MROH2A: variants seen among roughly 807,000 people sequenced by gnomAD.
The protein encoded by MROH2A is maestro heat like repeat family member 2A.
Under a neutral mutation model 200.4 loss-of-function variants are expected in MROH2A, and 174 were observed. The ratio of observed to expected loss-of-function variants is 0.87; its 90% confidence interval spans 0.77 to 0.98. The LOEUF is 0.98. Ranked by LOEUF, MROH2A falls within the 50% of genes least tolerant of loss-of-function variation. MROH2A has a pLI of 0.00. For missense variants in MROH2A, 2,045 were observed against 2,139.6 expected, an observed-to-expected ratio of 0.96 and a Z score of 0.87; for synonymous variants, 829 against 840.4, an observed-to-expected ratio of 0.99 and a Z score of 0.23.
intron 3 of MROH2A, among the ~76,000 whole-genome samples, chr2:233,787,664 TTATATATATTATATATA>T: frequency 1.3e-5 from 1 of 76,378 alleles, no homozygotes; most frequent in South Asian, 3.9e-4. Flanking sequence ...TACATATATA[TTATATATATTATATATA>T]CATATATATT....
chr2:233,804,492 C>T lies in MROH2A; in HGVS notation c.1892-3C>T. On this transcript the variant is annotated splice_region_variant and splice_polypyrimidine_tract_variant and intron_variant, in intron 17 of 41. Coordinates refer to ENST00000389758, the MANE Select transcript of MROH2A (RefSeq NM_001394639.1). ...ATGTGTGACCATACATGTGTTCCTG[C>T]AGAACATACTGAGTTCACTTGGGAT... The T allele has an allele frequency of 6.4e-7, 1 of 1,551,166 alleles. No individual in the cohort carries two copies. Among genetic ancestry groups the T allele is most frequent in the African/African-American group, 1.4e-5 (1 of 73,156 alleles).
At position 233,793,726 on chromosome 2, in the gene MROH2A, A is replaced by G; in HGVS notation, c.724A>G (p.Ser242Gly). ...GTTTTATCTGAAGCACCTGGAGGAG[A>G]GCGTGTACCCCGTGATGACTGAGGA... ...VQFYLKHLEESVYPVMTEEEF... is the reference protein window; with the variant it reads ...VQFYLKHLEEGVYPVMTEEEF... The change falls in exon 7 of 42, where the codon AGC (serine) becomes GGC (glycine). Residue 242 changes from serine (S) to glycine (G), a missense_variant. This residue lies in a region of MROH2A where 831 missense variants were observed against 800.0 expected (regional missense o/e 1.04). Coordinates refer to ENST00000389758, the MANE Select transcript of MROH2A (RefSeq NM_001394639.1). 3 of 1,488,820 alleles carry G rather than the reference A, an allele frequency of 2.0e-6. No homozygotes were observed. The highest frequency in any genetic ancestry group is 2.7e-6 in the Non-Finnish European group (3 of 1,116,662). The allele number at this position is 1,488,820 out of a possible 1,614,324, so 92.2% of individuals were successfully genotyped here.
intron 16 of MROH2A, 117 bp downstream of exon 16, chr2:233,803,605 G>C: frequency 9.1e-7 from 1 of 1,101,358 alleles, no homozygotes; most frequent in South Asian, 1.4e-5. Context: ...GGTGCAATGA[G>C]GGAGTTTGAT....
At chr2:233,814,547 A>C in intron 25 of MROH2A, 35 bp from the exon 26 acceptor site, 12 of 1,513,896 alleles carry the variant, frequency 7.9e-6, no homozygotes, top group Non-Finnish European at 1.1e-5. Flanking sequence ...GGTGCCCCTC[A>C]TTGCCGCCTA....
In MROH2A at chr2:233,802,331, G is replaced by C; in HGVS notation, c.1708+16G>C. 6.5e-7 allele frequency: 1 copy of C among 1,545,146 alleles called. No individual in the cohort carries two copies. The highest frequency in any genetic ancestry group is 8.7e-7 in the Non-Finnish European group (1 of 1,143,932). ...AGCAGGCAAGGTGGGCAAAGTTCCTGTCCAGCTGATTGGATTGGGCAGGTG... is the reference window on the plus strand; with the variant it reads ...AGCAGGCAAGGTGGGCAAAGTTCCTCTCCAGCTGATTGGATTGGGCAGGTG... On this transcript the variant is annotated intron_variant, in intron 15 of 41. Coordinates refer to ENST00000389758, the MANE Select transcript of MROH2A (RefSeq NM_001394639.1).
chr2:233,809,225 G>T lies in MROH2A; in HGVS notation c.2395G>T (p.Val799Leu). 6.4e-7 allele frequency: 1 copy of T among 1,550,534 alleles called. No individual in the cohort carries two copies. Among genetic ancestry groups the T allele is most frequent in the Non-Finnish European group, 8.7e-7 (1 of 1,146,960 alleles). Residue 799 changes from valine (V) to leucine (L), a missense_variant, in exon 22 of 42, where the codon GTG becomes TTG. Transcript: ENST00000389758. ...CCACCCCCAGTTGCTCCTCAACCTC[G>T]TGGACAGCCCCATCACCGCTAAGAT... ...YCHPQLLLNL[V>L]DSPITAKIIH...
At chr2:233,804,470 T>A (rs775876997) in intron 17 of MROH2A, 25 bp from the exon 18 acceptor site, 35 of 1,550,942 alleles carry the variant, frequency 2.3e-5, no homozygotes, top group Non-Finnish European at 2.4e-5. Context: ...AAGTGGCATG[T>A]GTGACCATAC....
chr2:233,798,948 A>T, intron 12 of MROH2A, 98 bp downstream of exon 12: 1 of 978,152 alleles, frequency 1.0e-6, no homozygotes, highest in East Asian at 2.6e-5. Context: ...CTTTTGATGG[A>T]AAACCCGGCT....
chr2:233,791,904 G>A (rs991967359), intron 5 of MROH2A, among the ~76,000 whole-genome samples: 1 of 152,096 alleles, frequency 6.6e-6, no homozygotes, highest in Non-Finnish European at 1.5e-5. Flanking sequence ...GCAGCGAGGG[G>A]GATTATTATG....
intron 5 of MROH2A, among the ~76,000 whole-genome samples, chr2:233,792,015 C>A (rs919710256): frequency 6.6e-6 from 1 of 152,140 alleles, no homozygotes; most frequent in Admixed American, 6.5e-5. Context: ...TCCGTCTGCT[C>A]TTTTTCTCTG....
chr2:233,818,687 C>T lies in MROH2A; in HGVS notation c.3121C>T (p.Gln1041Ter). The T allele has an allele frequency of 6.5e-7, 1 of 1,549,536 alleles. No homozygotes were observed. Among genetic ancestry groups the T allele is most frequent in the Non-Finnish European group, 8.7e-7 (1 of 1,146,402 alleles). ...QTCSLWGPSK[Q>*]KELEKCKGDL... ...CTGCTCCTTGTGGGGCCCTTCCAAGCAGAAGGAGCTTGAGAAATGTAAGGG... is the reference window on the plus strand; with the variant it reads ...CTGCTCCTTGTGGGGCCCTTCCAAGTAGAAGGAGCTTGAGAAATGTAAGGG... Residue 1041 changes from glutamine (Q) to a stop codon, truncating the protein, a stop_gained, in exon 29 of 42, where the codon CAG becomes TAG. Coordinates refer to ENST00000389758, the MANE Select transcript of MROH2A (RefSeq NM_001394639.1). LOFTEE classifies it high-confidence loss of function.
chr2:233,824,039 A>G (rs559991109), intron 35 of MROH2A, among the ~76,000 whole-genome samples: 1 of 152,226 alleles, frequency 6.6e-6, no homozygotes, highest in Non-Finnish European at 1.5e-5. Flanking sequence ...CCTATCTCAG[A>G]GTGAGTGTTG....
chr2:233,785,142 T>C (rs916091953), intron 3 of MROH2A, among the ~76,000 whole-genome samples: 3 of 143,280 alleles, frequency 2.1e-5, no homozygotes, highest in Non-Finnish European at 3.0e-5. Flanking sequence ...CGAGACTCCA[T>C]CTCAAAAAAA....
At chr2:233,822,823 TC>T in intron 33 of MROH2A, 57 bp from the exon 34 acceptor site, 1 of 1,534,718 alleles carries the variant, frequency 6.5e-7, no homozygotes, top group Non-Finnish European at 8.8e-7. Flanking sequence ...TGCAGCAGCC[TC>T]CCCAGGCCAT....
Position 233,820,059 on chromosome 2 carries a change from G to T in MROH2A, c.3512+3G>T, listed in dbSNP as rs1169819178. On this transcript the variant is annotated splice_donor_region_variant and intron_variant, in intron 31 of 41. Transcript: ENST00000389758. This position sits in a 1 kb window ranked among gnomAD's most constrained non-coding sequence, Gnocchi z 4.1. ...AGGCAGCCACTGCCCATGGAGAGGT[G>T]GGTGCCCTGGAGGAGGTGGCCCCGG... 2.0e-6 allele frequency: 3 copies of T among 1,509,462 alleles called. No individual in the cohort carries two copies. The highest frequency in any genetic ancestry group is 1.4e-5 in the African/African-American group (1 of 71,948). 93.5% of individuals were successfully genotyped at this position (1,509,462 alleles called of 1,614,324 possible). A position where few individuals can be genotyped will look rare whatever the true frequency, so the allele number is the denominator to read the frequency against.
chr2:233,786,315 G>A (rs577759257), intron 3 of MROH2A, among the ~76,000 whole-genome samples: 4 of 152,340 alleles, frequency 2.6e-5, no homozygotes, highest in Admixed American at 1.3e-4. Flanking sequence ...CAGCAAATTT[G>A]GTTTCTGTAA....
At chr2:233,814,973 T>C (rs1429415284) in intron 26 of MROH2A, among the ~76,000 whole-genome samples, 1 of 152,216 alleles carries the variant, frequency 6.6e-6, no homozygotes, top group African/African-American at 2.4e-5. Flanking sequence ...AGAGTAACAG[T>C]ACTCTCTTAT....
rs61380114 is a variant in MROH2A at position 233,827,088 on chromosome 2, T to C, written c.4114-1542T>C. 3.7e-4 allele frequency among the ~76,000 whole-genome samples: 57 copies of C among 152,248 alleles called. 2 individuals are homozygous for C. In the East Asian group the frequency reaches 0.011, roughly 29 times the overall value. ...CAAGAAACAACAGATGCTGGCAAGGTTGCAGAGAAATAGGAACACTTTTAC... is the reference window on the plus strand; with the variant it reads ...CAAGAAACAACAGATGCTGGCAAGGCTGCAGAGAAATAGGAACACTTTTAC... On this transcript the variant is annotated intron_variant, in intron 35 of 41. Transcript: ENST00000389758.
rs7564261 is a variant in MROH2A at position 233,828,726 on chromosome 2, C to A, written c.4210C>A (p.Arg1404=). The A allele has an allele frequency of 0.22, 333,642 of 1,550,456 alleles. 37,601 individuals carry two copies. The highest frequency in any genetic ancestry group is 0.36 in the African/African-American group (26,082 of 73,094). The change falls in exon 36 of 42, where the codon CGG becomes AGG. Residue 1404 remains arginine, a synonymous_variant. Transcript: ENST00000389758. The surrounding 1 kb of genome is among the most constrained non-coding windows in gnomAD (Gnocchi z 4.6). ...CGACCAGGAGGAAGACGAGGCCCTG[C>A]GGGTGCTGTCCCTGCGCGCCCTCGG... ...GADQEEDEAL[R]VLSLRALGNM...
Sources: allele counts gnomAD v4.1 joint callset (sites outside exome capture counted in the v4.1 genomes callset), GRCh38; gene constraint gnomAD v4.1.1; regional missense constraint gnomAD v4.1.1; non-coding constraint Gnocchi (gnomAD v3.1); transcripts MANE v1.5; gene names NCBI Gene and HGNC (gene_info 2026-07-23, HGNC 2026-07-21).